The following KLHDC4 variants were observed in gnomAD, a reference collection of about 807,000 sequenced individuals.
KLHDC4 encodes the protein kelch domain containing 4, also known as kelch domain-containing protein 4.
A neutral mutation model predicts 62.4 loss-of-function variants in KLHDC4; 90 were observed. The observed-to-expected ratio is 1.44, with a 90% CI of 1.22 to 1.72. The LOEUF (loss-of-function observed/expected upper bound fraction) is 1.72. Ranked by LOEUF, KLHDC4 falls within the 40% of genes most tolerant of loss-of-function variation. KLHDC4 has a pLI of 0.00. For synonymous variants in KLHDC4, 386 were observed against 284.4 expected (o/e 1.36, Z -3.59); for missense variants, 1,025 against 699.7 (o/e 1.47, Z -5.25).
At chr16:87,716,911 G>GA (rs1164167000) in intron 7 of KLHDC4, among the ~76,000 whole-genome samples, 1 of 152,082 alleles carries the variant, frequency 6.6e-6, no homozygotes, top group Non-Finnish European at 1.5e-5. Context: ...CAGCCTGGGC[G>GA]ACAGAGCGAG....
At position 87,709,599 on chromosome 16, in the gene KLHDC4, C is replaced by T. The variant is rs372831044; in HGVS notation, c.1113G>A (p.Pro371=). 7.9e-5 allele frequency: 128 copies of T among 1,612,180 alleles called. No homozygotes were observed. In the African/African-American group the frequency reaches 1.1e-3, roughly 14 times the overall value. ...RKEEPEGGSR[P]ACGGAGTQGP... Reference sequence around the variant, plus strand: ...CCTGGGTGCCAGCTCCCCCACACGCCGGCCTGCTACCACCTTCGGGCTCCT... The same window carrying T: ...CCTGGGTGCCAGCTCCCCCACACGCTGGCCTGCTACCACCTTCGGGCTCCT... The change falls in exon 10 of 12, where the codon CCG becomes CCA. Residue 371 remains proline (P), a synonymous_variant. Transcript: ENST00000270583.
exon 1 of KLHDC4, chr16:87,700,963 G>T: frequency 4.4e-6 from 1 of 227,294 alleles, no homozygotes; most frequent in Non-Finnish European, 8.9e-6. Flanking sequence ...CCGCGTGTCA[G>T]GTGAGGCAGT....
chr16:87,752,469 TG>T (rs1425196578), intron 4 of KLHDC4, among the ~76,000 whole-genome samples: 1 of 151,756 alleles, frequency 6.6e-6, no homozygotes. Context: ...CCTGAGTAGC[TG>T]GGATTACAGG....
chr16:87,709,458 G>A lies in KLHDC4; in HGVS notation c.1254C>T (p.Ser418=). Residue 418 remains serine, a synonymous_variant, in exon 10 of 12, where the codon AGC becomes AGT. Coordinates refer to ENST00000270583, the MANE Select transcript of KLHDC4 (RefSeq NM_017566.4). ...AGQPRSEDED[S]LEEAGSPAPG... ...GTGCGGGGCTGCCGGCCTCCTCAAG[G>A]CTGTCTTCGTCCTCAGACCGGGGCT... 6.2e-7 allele frequency: 1 copy of A among 1,611,990 alleles called. No homozygotes were observed. Among genetic ancestry groups the A allele is most frequent in the African/African-American group, 1.3e-5 (1 of 75,064 alleles).
chr16:87,737,377 C>T (rs950952765), intron 5 of KLHDC4, among the ~76,000 whole-genome samples: 1 of 152,022 alleles, frequency 6.6e-6, no homozygotes, highest in African/African-American at 2.4e-5. Context: ...CACTTGAAGT[C>T]AGGAGTTCAA....
At chr16:87,752,235 G>A (rs1462964601) in intron 4 of KLHDC4, among the ~76,000 whole-genome samples, 3 of 147,116 alleles carry the variant, frequency 2.0e-5, no homozygotes, top group African/African-American at 2.5e-5. Flanking sequence ...AGCGAGACCC[G>A]TTCTCCACAA....
At chr16:87,733,253 T>A (rs1435190967) in intron 5 of KLHDC4, among the ~76,000 whole-genome samples, 1 of 152,228 alleles carries the variant, frequency 6.6e-6, no homozygotes, top group East Asian at 1.9e-4. Context: ...GTTTCCTGCA[T>A]CTCCCAGCAG....
exon 1 of KLHDC4, chr16:87,702,239 G>A (rs1353775342): frequency 2.2e-6 from 1 of 456,242 alleles, no homozygotes; most frequent in African/African-American, 2.0e-5. Context: ...CTCCTCCACA[G>A]TGGCTCTGCC....
intron 5 of KLHDC4, among the ~76,000 whole-genome samples, chr16:87,739,566 C>T (rs1326142867): frequency 1.3e-5 from 2 of 149,902 alleles, no homozygotes; most frequent in Non-Finnish European, 2.9e-5. Context: ...TCCATCCACA[C>T]ACCAGCACGT....
chr16:87,720,472 G>C (rs2142994082), intron 7 of KLHDC4, among the ~76,000 whole-genome samples: 1 of 152,322 alleles, frequency 6.6e-6, no homozygotes, highest in Admixed American at 6.5e-5. Flanking sequence ...GCACAGCTCG[G>C]GCAAGCAGCG....
At position 87,707,893 on chromosome 16, in the gene KLHDC4, G is replaced by A. The variant is rs759263686; in HGVS notation, c.*184C>T. On this transcript the variant is annotated 3_prime_UTR_variant, in exon 12 of 12. Transcript: ENST00000270583. ...CTGCACTGCACTCAGTTGAACTTCC[G>A]GCCCAGTGCCGCGTCAGAGACTAAA... The A allele has an allele frequency of 2.8e-4, 126 of 453,418 alleles. 1 individual carries two copies. The highest frequency in any genetic ancestry group is 4.6e-4 in the Non-Finnish European group (104 of 224,630). 28.1% of individuals were successfully genotyped at this position (453,418 alleles called of 1,614,324 possible). A position where few individuals can be genotyped will look rare whatever the true frequency, so the allele number is the denominator to read the frequency against.
intron 7 of KLHDC4, among the ~76,000 whole-genome samples, chr16:87,726,199 C>A (rs1233184960): frequency 2.7e-4 from 41 of 149,894 alleles, no homozygotes; most frequent in African/African-American, 9.8e-4. Flanking sequence ...CGTCTCCCCA[C>A]CCCGCGCCTC....
exon 1 of KLHDC4, chr16:87,700,912 C>CA: frequency 8.0e-6 from 2 of 250,072 alleles, no homozygotes; most frequent in East Asian, 3.5e-4. Flanking sequence ...CGGAAGGAGT[C>CA]AGTCAACTCA....
At chr16:87,729,479 T>A (rs976588698) in intron 6 of KLHDC4, 4 of 152,232 alleles carry the variant, frequency 2.6e-5, no homozygotes, top group African/African-American at 9.7e-5. Flanking sequence ...TTCACCAGGG[T>A]TGCAGAGTCT....
chr16:87,762,319 C>T (rs960158022), intron 1 of KLHDC4, among the ~76,000 whole-genome samples: 1 of 152,206 alleles, frequency 6.6e-6, no homozygotes, highest in African/African-American at 2.4e-5. Context: ...TAGACAAGCC[C>T]GTTGTGACTT....
At chr16:87,756,655 A>G (rs1302826210) in intron 2 of KLHDC4, among the ~76,000 whole-genome samples, 178 bp from the exon 3 acceptor site, 1 of 149,072 alleles carries the variant, frequency 6.7e-6, no homozygotes, top group Non-Finnish European at 1.5e-5. Context: ...CCCCTCTACC[A>G]GTGCCCAGGG....
At position 87,712,582 on chromosome 16, in the gene KLHDC4, A is replaced by G. The variant is rs115273872; in HGVS notation, c.836-1139T>C. Among the ~76,000 whole-genome samples the G allele has an allele frequency of 6.4e-3, 977 of 152,342 alleles. 11 individuals carry two copies. Among genetic ancestry groups the G allele is most frequent in the African/African-American group, 0.023 (953 of 41,590 alleles). On this transcript the variant is annotated intron_variant, in intron 8 of 11. Transcript: ENST00000270583. ...GGAAACAGTCCAGCATCCAGGTTCA[A>G]GTTCACTGGGGTGTAGGCTGGAAAG...
chr16:87,730,372 AGTGTGAGGCCCG>A (rs768358748), intron 6 of KLHDC4, among the ~76,000 whole-genome samples, 168 bp downstream of exon 6: 21 of 152,366 alleles, frequency 1.4e-4, no homozygotes, highest in South Asian at 1.2e-3. Flanking sequence ...GCATGAAGCC[AGTGTGAGGCCCG>A]GTGTGAGGCC....
At chr16:87,711,899 C>CCTGCA (rs1567662939) in intron 8 of KLHDC4, among the ~76,000 whole-genome samples, 5 of 133,824 alleles carry the variant, frequency 3.7e-5, no homozygotes, top group South Asian at 2.1e-4. Flanking sequence ...GAACCTTCAC[C>CCTGCA]CAGGGGGCTG....
Sources: gnomAD v4.1 joint callset for allele counts (sites outside exome capture counted in the v4.1 genomes callset) on GRCh38, gnomAD v4.1.1 for gene constraint, MANE v1.5 for transcripts, NCBI Gene and HGNC (gene_info 2026-07-23, HGNC 2026-07-21) for gene names.